DMWD: variants seen among roughly 807,000 people sequenced by gnomAD.
DMWD encodes the protein DM1 locus, WD repeat containing.
Under a neutral mutation model 45.8 loss-of-function variants are expected in DMWD, and 19 were observed. That is an observed-to-expected ratio of 0.41 (90% CI 0.29 to 0.61). The LOEUF (loss-of-function observed/expected upper bound fraction) is 0.61, where lower values mean the gene tolerates loss of function less well. DMWD is among the 20% of genes least tolerant of loss of function. DMWD has a pLI of 0.25. For missense variants in DMWD, 802 were observed against 965.2 expected, an observed-to-expected ratio of 0.83 and a Z score of 2.24; for synonymous variants, 515 against 440.5, an observed-to-expected ratio of 1.17 and a Z score of -2.12.
chr19:45,785,904 CG>C lies in DMWD; in HGVS notation c.1591del (p.Arg531GlyfsTer128). The C allele has an allele frequency of 6.2e-7, 1 of 1,604,032 alleles. No homozygotes were observed. On this transcript the variant is annotated frameshift_variant, in exon 3 of 5. Coordinates refer to ENST00000270223, the MANE Select transcript of DMWD (RefSeq NM_004943.2). LOFTEE classifies it high-confidence loss of function. ...CTCCTTCTCTGCCCCCCGGTCCCGC[CG>C]CTCCTGCAGTGTGAGCGTGGCGAAG... ...GRFATLTLQERRDRGAEKEHK... is the reference protein window; with the variant it reads ...GRFATLTLQEXRDRGAEKEHK...
In DMWD at chr19:45,783,715, A is replaced by G; in HGVS notation, c.*528T>C. The stretch of plus-strand genomic sequence containing the variant: ...AGGTCCTCTACATCATCTCCTCCGA[A>G]GGGGACAGACCCGCTGAGAAAACAG... On this transcript the variant is annotated 3_prime_UTR_variant, in exon 5 of 5. Coordinates refer to ENST00000270223, the MANE Select transcript of DMWD (RefSeq NM_004943.2). 1 of 431,204 alleles carries G rather than the reference A, an allele frequency of 2.3e-6. No individual in the cohort carries two copies. The allele number at this position is 431,204 out of a possible 1,614,324, so 26.7% of individuals were successfully genotyped here.
chr19:45,788,832 T>C (rs1970317485), intron 2 of DMWD, among the ~76,000 whole-genome samples: 1 of 151,474 alleles, frequency 6.6e-6, no homozygotes, highest in Non-Finnish European at 1.5e-5. Flanking sequence ...AGGAGGCTGA[T>C]ATGGGAGGAC....
chr19:45,785,296 G>C, intron 3 of DMWD: 1 of 1,180,900 alleles, frequency 8.5e-7, no homozygotes. Flanking sequence ...GTGACAGGCA[G>C]TAAGACCTGG....
chr19:45,786,258 G>A lies in DMWD; in HGVS notation c.1238C>T (p.Ala413Val). 2 of 1,606,740 alleles carry A rather than the reference G, an allele frequency of 1.2e-6. No individual in the cohort carries two copies. The highest frequency in any genetic ancestry group is 1.7e-6 in the Non-Finnish European group (2 of 1,175,660). Residue 413 changes from alanine (A) to valine (V), a missense_variant, in exon 3 of 5, where the codon GCC becomes GTC. Around this residue, in one of 9 missense-constraint regions of DMWD, gnomAD observed 67 missense variants for 57.9 expected, o/e 1.16. Coordinates refer to ENST00000270223, the MANE Select transcript of DMWD (RefSeq NM_004943.2). ...EEPEAAGTGS[A>V]GGAPLSPLPK... ...CAGTGGAGAGAGCGGGGCGCCCCCG[G>A]CCGAGCCTGTGCCCGCAGCCTCGGG...
In DMWD at chr19:45,784,295, G is replaced by A. The variant is rs938436991; in HGVS notation, c.1978-5C>T. 2 of 1,510,028 alleles carry A rather than the reference G, an allele frequency of 1.3e-6. No individual in the cohort carries two copies. Among genetic ancestry groups the A allele is most frequent in the African/African-American group, 2.8e-5 (2 of 71,330 alleles). The allele number at this position is 1,510,028 out of a possible 1,614,324, so 93.5% of individuals were successfully genotyped here. A position where few individuals can be genotyped will look rare whatever the true frequency, so the allele number is the denominator to read the frequency against. ...GCCTGGTTGGGAGGAGATGCCCTGG[G>A]GAAGATGAGAGGGAGAGATGGGAGG... On this transcript the variant is annotated splice_region_variant and splice_polypyrimidine_tract_variant and intron_variant, in intron 4 of 4. Transcript: ENST00000270223.
In DMWD at chr19:45,792,774, CCCCGCCACTGCCGGACTGCCG is replaced by C; in HGVS notation, c.-39_-19del. 1 of 1,117,472 alleles carries C rather than the reference CCCCGCCACTGCCGGACTGCCG, an allele frequency of 8.9e-7. No individual in the cohort carries two copies. The allele number at this position is 1,117,472 out of a possible 1,614,324, so 69.2% of individuals were successfully genotyped here. On this transcript the variant is annotated 5_prime_UTR_variant, in exon 1 of 5. Transcript: ENST00000270223. ...GCCGCCATCTTGGGCGCCCCCCGGG[CCCCGCCACTGCCGGACTGCCG>C]CCCGCAGCCGGGCCCCCTCCCGGAA...
rs750912127 is a variant in DMWD at position 45,792,390 on chromosome 19, C to CAGA, written c.366_367insTCT (p.Gly122_Gly123insSer). On this transcript the variant is annotated inframe_insertion, in exon 1 of 5. Transcript: ENST00000270223. ...CCCAAGTTGAAGCAGACGCGGTCTC[C>CAGA]CCCCGAGCCCAGCCCCGCGGGCGTG... 1.2e-6 allele frequency: 2 copies of CAGA among 1,601,434 alleles called. No individual in the cohort carries two copies. The highest frequency in any genetic ancestry group is 1.7e-6 in the Non-Finnish European group (2 of 1,174,556).
In DMWD at chr19:45,786,699, T is replaced by A. The variant is rs745326417; in HGVS notation, c.797A>T (p.Tyr266Phe). 1.2e-6 allele frequency: 2 copies of A among 1,612,134 alleles called. No individual in the cohort carries two copies. The highest frequency in any genetic ancestry group is 1.7e-6 in the Non-Finnish European group (2 of 1,178,496). ...LLKQGEGFSV[Y>F]AAKSKAPRNP... ...GCGGGGTGCCTTGCTCTTGGCAGCA[T>A]AGACAGAGAAGCCCTCGCCCTGCTT... Residue 266 changes from tyrosine (Y) to phenylalanine (F), a missense_variant, in exon 3 of 5, where the codon TAT becomes TTT. Coordinates refer to ENST00000270223, the MANE Select transcript of DMWD (RefSeq NM_004943.2).
intron 4 of DMWD, 38 bp downstream of exon 4, chr19:45,784,603 C>A: frequency 6.2e-7 from 1 of 1,613,812 alleles, no homozygotes; most frequent in Non-Finnish European, 8.5e-7. Flanking sequence ...TGGGAGGGAC[C>A]CTGAGGTGCT....
At position 45,786,032 on chromosome 19, in the gene DMWD, G is replaced by A; in HGVS notation, c.1464C>T (p.Arg488=). The change falls in exon 3 of 5, where the codon CGC becomes CGT. Residue 488 remains arginine, a synonymous_variant. Transcript: ENST00000270223. ...GGEPGPGPLP[R]SLSRSNSLPH... ...GGAGACTGTTGGAGCGGGACAGCGA[G>A]CGAGGCAGGGGGCCTGGGCCAGGCT... The A allele has an allele frequency of 1.3e-6, 2 of 1,541,110 alleles. No individual in the cohort carries two copies. Among genetic ancestry groups the A allele is most frequent in the Non-Finnish European group, 1.7e-6 (2 of 1,143,894 alleles).
In DMWD at chr19:45,792,738, C is replaced by G. The variant is rs1970370706; in HGVS notation, c.19G>C (p.Glu7Gln). Reference protein sequence around the residue: MAAGGAEGGSGPGAAMG... With the variant: MAAGGAQGGSGPGAAMG... ...GCGGCGCCGGGGCCCGAGCCGCCCT[C>G]CGCGCCGCCCGCCGCCATCTTGGGC... is the stretch of plus-strand genomic sequence containing the variant. Residue 7 changes from glutamate to glutamine, a missense_variant, in exon 1 of 5, where the codon GAG becomes CAG. Glu to Gln is a conservative substitution (Grantham distance 29). Coordinates refer to ENST00000270223, the MANE Select transcript of DMWD (RefSeq NM_004943.2). 8.7e-7 allele frequency: 1 copy of G among 1,146,066 alleles called. No individual in the cohort carries two copies. Among genetic ancestry groups the G allele is most frequent in the Admixed American group, 4.6e-5 (1 of 21,606 alleles). 71.0% of individuals were successfully genotyped at this position (1,146,066 alleles called of 1,614,324 possible). A position where few individuals can be genotyped will look rare whatever the true frequency, so the allele number is the denominator to read the frequency against.
In DMWD at chr19:45,786,236, T is replaced by A. The variant is rs1360860770; in HGVS notation, c.1260A>T (p.Pro420=). The change falls in exon 3 of 5, where the codon CCA becomes CCT. Residue 420 remains proline (P), a synonymous_variant. Coordinates refer to ENST00000270223, the MANE Select transcript of DMWD (RefSeq NM_004943.2). ...AAGTAATGGAGCCAGCCTTGGGCAGTGGAGAGAGCGGGGCGCCCCCGGCCG... is the reference window on the plus strand; with the variant it reads ...AAGTAATGGAGCCAGCCTTGGGCAGAGGAGAGAGCGGGGCGCCCCCGGCCG... ...TGSAGGAPLS[P]LPKAGSITYR... is the part of the protein sequence containing the mutation. 6.2e-7 allele frequency: 1 copy of A among 1,610,488 alleles called. No homozygotes were observed. The highest frequency in any genetic ancestry group is 2.2e-5 in the East Asian group (1 of 44,810).
intron 3 of DMWD, chr19:45,785,338 G>T: frequency 1.6e-6 from 2 of 1,217,976 alleles, no homozygotes; most frequent in Non-Finnish European, 2.0e-6. Flanking sequence ...CCCTTCAGAC[G>T]GCCAGCCTTG....
chr19:45,790,700 T>G, intron 2 of DMWD: 1 of 447,924 alleles, frequency 2.2e-6, no homozygotes, highest in Non-Finnish European at 3.9e-6. Context: ...ACCCAAGGAG[T>G]AAAGTATTCA....
intron 2 of DMWD, 68 bp from the exon 3 acceptor site, chr19:45,786,939 A>G (rs1970288283): frequency 6.5e-7 from 1 of 1,543,818 alleles, no homozygotes; most frequent in Non-Finnish European, 8.8e-7. Flanking sequence ...TCCCCGACCC[A>G]AAGTCCCCAA....
chr19:45,786,209 G>A lies in DMWD; in HGVS notation c.1287C>T (p.Tyr429=). The change falls in exon 3 of 5, where the codon TAC becomes TAT. Residue 429 remains tyrosine (Y), a synonymous_variant. Transcript: ENST00000270223. The stretch of plus-strand genomic sequence containing the variant: ...TGTCCTGGCCCGCCGAGCCAAAGCG[G>A]TAAGTAATGGAGCCAGCCTTGGGCA... ...SPLPKAGSIT[Y]RFGSAGQDTQ... is the part of the protein sequence containing the mutation. 2 of 1,611,466 alleles carry A rather than the reference G, an allele frequency of 1.2e-6. No individual in the cohort carries two copies. The highest frequency in any genetic ancestry group is 1.7e-6 in the Non-Finnish European group (2 of 1,179,054).
At chr19:45,791,171 G>A in intron 1 of DMWD, 84 bp from the exon 2 acceptor site, 1 of 1,417,626 alleles carries the variant, frequency 7.1e-7, no homozygotes, top group South Asian at 1.3e-5. Flanking sequence ...AAACCACTAA[G>A]AGGAAGCAGG....
chr19:45,784,483 G>C, intron 4 of DMWD, 158 bp downstream of exon 4: 1 of 1,338,220 alleles, frequency 7.5e-7, no homozygotes, highest in African/African-American at 1.5e-5. Context: ...TCCTGTCCTG[G>C]CAGTCAGCAC....
Position 45,792,735 on chromosome 19 carries a change from C to T in DMWD, c.22G>A (p.Gly8Ser), listed in dbSNP as rs1201784542. Residue 8 changes from glycine to serine, a missense_variant, in exon 1 of 5, where the codon GGC becomes AGC. Transcript: ENST00000270223. The stretch of plus-strand genomic sequence containing the variant: ...ATGGCGGCGCCGGGGCCCGAGCCGC[C>T]CTCCGCGCCGCCCGCCGCCATCTTG... MAAGGAEGGSGPGAAMGD... is the reference protein window; with the variant it reads MAAGGAESGSGPGAAMGD... 8.7e-7 allele frequency: 1 copy of T among 1,155,740 alleles called. No homozygotes were observed. The highest frequency in any genetic ancestry group is 1.1e-6 in the Non-Finnish European group (1 of 934,806). The allele number at this position is 1,155,740 out of a possible 1,614,324, so 71.6% of individuals were successfully genotyped here. A position where few individuals can be genotyped will look rare whatever the true frequency, so the allele number is the denominator to read the frequency against.
Sources: gnomAD v4.1 joint callset for allele counts (sites outside exome capture counted in the v4.1 genomes callset) on GRCh38, gnomAD v4.1.1 for gene constraint, gnomAD v4.1.1 regional missense constraint, MANE v1.5 for transcripts, NCBI Gene and HGNC (gene_info 2026-07-23, HGNC 2026-07-21) for gene names.